RABGAP1: variants seen among roughly 807,000 people sequenced by gnomAD.
The protein encoded by RABGAP1 is rab GTPase-activating protein 1.
RABGAP1 carries 23 observed loss-of-function variants against 137.6 expected under a neutral mutation model. The ratio of observed to expected loss-of-function variants is 0.17; its 90% confidence interval spans 0.12 to 0.24. RABGAP1 has a LOEUF of 0.24. Ranked by LOEUF, RABGAP1 falls within the 10% of genes least tolerant of loss-of-function variation. The pLI is 1.00. For synonymous variants in RABGAP1, 451 were observed against 450.7 expected, an observed-to-expected ratio of 1.00 and a Z score of -0.01; for missense variants, 906 against 1,275.8, an observed-to-expected ratio of 0.71 and a Z score of 4.42.
chr9:123,048,444 CTG>C (rs908515067), intron 13 of RABGAP1, among the ~76,000 whole-genome samples: 1 of 152,128 alleles, frequency 6.6e-6, no homozygotes, highest in Admixed American at 6.5e-5. Flanking sequence ...CTCTGTGTGT[CTG>C]TGTGTTGCAT....
intron 21 of RABGAP1, 48 bp downstream of exon 21, chr9:123,090,433 T>A: frequency 1.4e-6 from 2 of 1,425,022 alleles, no homozygotes; most frequent in Non-Finnish European, 1.9e-6. Flanking sequence ...GACACTTGAC[T>A]TTTCCCCTCA....
intron 2 of RABGAP1, among the ~76,000 whole-genome samples, chr9:122,969,341 C>T (rs967638683): frequency 1.3e-5 from 2 of 152,196 alleles, no homozygotes; most frequent in Non-Finnish European, 2.9e-5. Flanking sequence ...ACAGGCATTT[C>T]TCAGAATGTA....
At chr9:122,946,162 G>GT (rs1307868360) in intron 1 of RABGAP1, 1 of 151,886 alleles carries the variant, frequency 6.6e-6, no homozygotes. Context: ...CAGAAAACAC[G>GT]TATCTTCTGC....
At chr9:122,931,795 C>G in the RABGAP1 span, among the ~76,000 whole-genome samples, 2 of 152,372 alleles carry the variant, frequency 1.3e-5, no homozygotes, top group Middle Eastern at 3.4e-3. Flanking sequence ...TCGGGACCCC[C>G]GTCTCAGCGG....
chr9:123,050,829 A>C (rs1401765673), intron 13 of RABGAP1, among the ~76,000 whole-genome samples: 1 of 152,218 alleles, frequency 6.6e-6, no homozygotes, highest in African/African-American at 2.4e-5. Flanking sequence ...GATCATTTCC[A>C]TGGGGAAAAA....
intron 10 of RABGAP1, among the ~76,000 whole-genome samples, chr9:123,007,991 A>G (rs1460034956): frequency 6.6e-6 from 1 of 150,420 alleles, no homozygotes; most frequent in East Asian, 1.9e-4. Context: ...TTTAATATAT[A>G]AAAGTTTTAT....
At chr9:123,093,122 C>T (rs906418276) in intron 21 of RABGAP1, among the ~76,000 whole-genome samples, 7 of 152,146 alleles carry the variant, frequency 4.6e-5, no homozygotes, top group Admixed American at 2.0e-4. Context: ...TTTGAAAGAA[C>T]GTCATTCCTT....
Position 123,047,919 on chromosome 9 carries a change from G to GTTTTTTTTTTTTTTTTTTTTT in RABGAP1, c.1795-17413_1795-17393dup, listed in dbSNP as rs59639446. Among the ~76,000 whole-genome samples, 17 of 62,282 alleles carry GTTTTTTTTTTTTTTTTTTTTT rather than the reference G, an allele frequency of 2.7e-4. 4 individuals carry two copies. The highest frequency in any genetic ancestry group is 5.7e-4 in the Non-Finnish European group (16 of 28,026). The allele number at this position is 62,282 out of a possible 152,430, so 40.9% of individuals were successfully genotyped here. On this transcript the variant is annotated intron_variant, in intron 13 of 25. Transcript: ENST00000373647. ...TATCTAGCCATTTTACAGCTGCTGG[G>GTTTTTTTTTTTTTTTTTTTTT]TTTTTTTTTTTTTTTTTTTTTTTTT...
intron 13 of RABGAP1, among the ~76,000 whole-genome samples, chr9:123,056,653 G>T (rs566147941): frequency 1.3e-5 from 2 of 151,800 alleles, no homozygotes; most frequent in South Asian, 4.2e-4. Context: ...GTGTCCCTGG[G>T]TACTTGAGAT....
intron 10 of RABGAP1, among the ~76,000 whole-genome samples, chr9:123,004,300 T>C (rs996415032): frequency 5.3e-5 from 8 of 152,166 alleles, no homozygotes; most frequent in Non-Finnish European, 1.5e-5. Flanking sequence ...CAACGTCTTT[T>C]TTGTTTTTTT....
intron 13 of RABGAP1, among the ~76,000 whole-genome samples, chr9:123,025,853 A>C (rs961505269): frequency 2.0e-5 from 3 of 152,094 alleles, no homozygotes; most frequent in African/African-American, 7.2e-5. Flanking sequence ...TACAATGTTT[A>C]TGCAGCCTAC....
intron 12 of RABGAP1, 112 bp from the exon 13 acceptor site, chr9:123,020,197 T>G (rs1288742305): frequency 2.0e-6 from 2 of 976,270 alleles, no homozygotes; most frequent in African/African-American, 3.3e-5. Context: ...TTTATTACTT[T>G]GTTACCTTGT....
Position 123,099,513 on chromosome 9 carries a change from G to A in RABGAP1, c.2853G>A (p.Gln951=), listed in dbSNP as rs2035279938. Reference sequence around the variant, plus strand: ...AGTTGAGTGAAAGATTGGAGAAGCAGCAGACAGCCAATAAGGTGGAAATTG... The same window carrying A: ...AGTTGAGTGAAAGATTGGAGAAGCAACAGACAGCCAATAAGGTGGAAATTG... ...CSQLSERLEK[Q]QTANKVEIEK... Residue 951 remains glutamine (Q), a synonymous_variant, in exon 24 of 26, where the codon CAG becomes CAA. Transcript: ENST00000373647. 1 of 1,613,076 alleles carries A rather than the reference G, an allele frequency of 6.2e-7. No homozygotes were observed. Among genetic ancestry groups the A allele is most frequent in the East Asian group, 2.2e-5 (1 of 44,874 alleles).
At chr9:122,935,780 T>C in the RABGAP1 span, among the ~76,000 whole-genome samples, 153 of 152,360 alleles carry the variant, frequency 1.0e-3, 1 homozygote, top group African/African-American at 3.3e-3. Flanking sequence ...TGTATGGCTT[T>C]GAGTTACTAT....
At chr9:123,066,584 C>T (rs1232348037) in intron 14 of RABGAP1, among the ~76,000 whole-genome samples, 2 of 152,174 alleles carry the variant, frequency 1.3e-5, no homozygotes, top group Non-Finnish European at 2.9e-5. Flanking sequence ...ATCATTTTAT[C>T]TCACACTACC....
At chr9:123,090,190 A>C in intron 20 of RABGAP1, 85 bp from the exon 21 acceptor site, 1 of 1,025,688 alleles carries the variant, frequency 9.7e-7, no homozygotes, top group Non-Finnish European at 1.4e-6. Context: ...AGGACTTAGA[A>C]ATTTATTTTG....
At position 122,984,494 on chromosome 9, in the gene RABGAP1, A is replaced by T; in HGVS notation, c.160A>T (p.Asn54Tyr). ...DEKTGLKIVG[N>Y]GSEQQLQKEL... ...TATTTGTGACCCTTAGATTGTAGGG[A>T]ATGGAAGTGAACAGCAGCTGCAAAA... The change falls in exon 3 of 26, where the codon AAT (asparagine) becomes TAT (tyrosine). Residue 54 changes from asparagine (N) to tyrosine (Y), a missense_variant. Asn to Tyr is a moderately radical substitution (Grantham distance 143, BLOSUM62 -2). This residue lies in a region of RABGAP1 where 331 missense variants were observed against 358.3 expected (regional missense o/e 0.92). Coordinates refer to ENST00000373647, the MANE Select transcript of RABGAP1 (RefSeq NM_012197.4). 1.2e-6 allele frequency: 2 copies of T among 1,613,650 alleles called. No individual in the cohort carries two copies. The highest frequency in any genetic ancestry group is 1.7e-6 in the Non-Finnish European group (2 of 1,179,804).
intron 17 of RABGAP1, 125 bp downstream of exon 17, chr9:123,074,553 T>C (rs2132153244): frequency 9.3e-7 from 1 of 1,080,664 alleles, no homozygotes; most frequent in South Asian, 1.9e-5. Flanking sequence ...ATTTTATTGC[T>C]AGGAAATCTA....
At chr9:123,010,207 AC>A (rs1234335413) in intron 10 of RABGAP1, 146 bp from the exon 11 acceptor site, 23 of 681,104 alleles carry the variant, frequency 3.4e-5, no homozygotes, top group South Asian at 1.1e-4. Flanking sequence ...ACTCAAAAAA[AC>A]ATCATTTATT....
Sources: gnomAD v4.1 joint callset for allele counts (sites outside exome capture counted in the v4.1 genomes callset) on GRCh38, gnomAD v4.1.1 for gene constraint, gnomAD v4.1.1 regional missense constraint, MANE v1.5 for transcripts, NCBI Gene and HGNC (gene_info 2026-07-23, HGNC 2026-07-21) for gene names.